ASIC2: variants seen among roughly 807,000 people sequenced by gnomAD.
The protein encoded by ASIC2 is acid sensing ion channel subunit 2.
A neutral mutation model predicts 57.3 loss-of-function variants in ASIC2; 25 were observed. That is an observed-to-expected ratio of 0.44 (90% CI 0.32 to 0.61). The LOEUF (loss-of-function observed/expected upper bound fraction) is 0.61. Ranked by LOEUF, ASIC2 falls within the 20% of genes least tolerant of loss-of-function variation. The pLI is 0.06. For missense variants in ASIC2, 641 were observed against 738.1 expected, an observed-to-expected ratio of 0.87 and a Z score of 1.52; for synonymous variants, 319 against 307.5, an observed-to-expected ratio of 1.04 and a Z score of -0.39.
intron 1 of ASIC2, among the ~76,000 whole-genome samples, chr17:33,187,997 T>C (rs1906270361): frequency 6.9e-6 from 1 of 145,046 alleles, no homozygotes; most frequent in Non-Finnish European, 1.5e-5. Context: ...TCCACAGAAA[T>C]AGACATCGAA....
At chr17:34,039,261 C>T in intron 1 of ASIC2, 1 of 1,613,922 alleles carries the variant, frequency 6.2e-7, no homozygotes, top group Non-Finnish European at 8.5e-7. Flanking sequence ...TCTGTCTGTG[C>T]TGGATGGAGA....
At chr17:34,131,996 T>C (rs1911986282) in intron 1 of ASIC2, among the ~76,000 whole-genome samples, 1 of 152,216 alleles carries the variant, frequency 6.6e-6, no homozygotes, top group Non-Finnish European at 1.5e-5. Context: ...TTGTAGGTGC[T>C]GTCCTGGAAT....
At chr17:33,307,072 A>G (rs775437799) in intron 1 of ASIC2, among the ~76,000 whole-genome samples, 16 of 152,122 alleles carry the variant, frequency 1.1e-4, no homozygotes, top group Admixed American at 2.0e-4. Flanking sequence ...CCATCCACCT[A>G]CAAGACTCTC....
At chr17:33,405,423 C>T (rs8073613) in intron 1 of ASIC2, among the ~76,000 whole-genome samples, 72,532 of 151,526 alleles carry the variant, frequency 0.48, 17,668 homozygotes, top group South Asian at 0.54. Context: ...GAGATCACCC[C>T]TCCCAGGACT....
At chr17:33,178,255 T>C (rs975199267) in intron 1 of ASIC2, among the ~76,000 whole-genome samples, 8 of 152,186 alleles carry the variant, frequency 5.3e-5, no homozygotes, top group South Asian at 4.1e-4. Context: ...TTGTACATAA[T>C]AAATATATAT....
At chr17:33,014,163 C>T (rs1226982685) in intron 9 of ASIC2, 97 bp from the exon 10 acceptor site, 6 of 942,764 alleles carry the variant, frequency 6.4e-6, no homozygotes, top group Non-Finnish European at 8.4e-6. Flanking sequence ...GAAGGTGCTC[C>T]CCACTTGTGG....
chr17:33,690,756 T>TG (rs1489764944), intron 1 of ASIC2, among the ~76,000 whole-genome samples: 2 of 142,404 alleles, frequency 1.4e-5, no homozygotes, highest in Non-Finnish European at 3.1e-5. Context: ...TTTTTTTTTT[T>TG]TTTTTTTTTT....
At chr17:33,116,231 T>C (rs923113362) in intron 1 of ASIC2, among the ~76,000 whole-genome samples, 11 of 152,204 alleles carry the variant, frequency 7.2e-5, no homozygotes, top group East Asian at 1.9e-4. Context: ...GCCTGGCTTT[T>C]TTCAGAGGAT....
At chr17:33,730,941 C>T (rs531319336) in intron 1 of ASIC2, among the ~76,000 whole-genome samples, 24 of 152,256 alleles carry the variant, frequency 1.6e-4, no homozygotes, top group African/African-American at 5.1e-4. Context: ...ACAGTGGTGG[C>T]AATGAGGGCA....
chr17:33,159,848 C>T (rs1253931851), intron 1 of ASIC2, among the ~76,000 whole-genome samples: 2 of 152,190 alleles, frequency 1.3e-5, no homozygotes, highest in Non-Finnish European at 2.9e-5. Context: ...TAGCACCGAC[C>T]TCCTATATCT....
chr17:33,956,428 G>A (rs1217115371), intron 1 of ASIC2, among the ~76,000 whole-genome samples: 1 of 152,140 alleles, frequency 6.6e-6, no homozygotes, highest in African/African-American at 2.4e-5. Context: ...CTTCAGTCAG[G>A]AAGGTGTCAC....
chr17:33,102,695 C>A lies in ASIC2; in HGVS notation c.859+9222G>T, dbSNP rs141039179. 4.6e-4 allele frequency among the ~76,000 whole-genome samples: 70 copies of A among 152,110 alleles called. 1 individual carries two copies. In the Middle Eastern group the frequency reaches 0.01, roughly 22 times the overall value. Reference sequence around the variant, plus strand: ...CTACCTGTTTGTCTTTTTGTTTAACCTTTTCGGGAGATGTTCTCAGTTCCA... The same window carrying A: ...CTACCTGTTTGTCTTTTTGTTTAACATTTTCGGGAGATGTTCTCAGTTCCA... On this transcript the variant is annotated intron_variant, in intron 2 of 9. Transcript: ENST00000225823.
intron 1 of ASIC2, among the ~76,000 whole-genome samples, chr17:33,762,768 G>C (rs1910824177): frequency 6.6e-6 from 1 of 152,206 alleles, no homozygotes; most frequent in Non-Finnish European, 1.5e-5. Context: ...AGGGCACTGG[G>C]TGTCCCATGT....
chr17:33,563,257 C>G (rs1238396374), intron 1 of ASIC2, among the ~76,000 whole-genome samples: 2 of 152,206 alleles, frequency 1.3e-5, no homozygotes, highest in Non-Finnish European at 2.9e-5. Flanking sequence ...AGTATTTGTC[C>G]TGTACCAGAC....
chr17:33,281,320 TA>T (rs1391041077), intron 1 of ASIC2, among the ~76,000 whole-genome samples: 4 of 152,198 alleles, frequency 2.6e-5, no homozygotes, highest in African/African-American at 9.6e-5. Context: ...TGTACGGCCT[TA>T]AAAGTCTTTC....
At chr17:33,738,932 G>A (rs1182561428) in intron 1 of ASIC2, among the ~76,000 whole-genome samples, 2 of 152,162 alleles carry the variant, frequency 1.3e-5, no homozygotes, top group Non-Finnish European at 2.9e-5. Flanking sequence ...GTCTTGGAAT[G>A]TTACTAAAGT....
intron 1 of ASIC2, among the ~76,000 whole-genome samples, chr17:33,862,961 T>A (rs1284121207): frequency 2.0e-5 from 3 of 152,150 alleles, no homozygotes; most frequent in African/African-American, 4.8e-5. Flanking sequence ...CTCAGATGAC[T>A]CACATGACAT....
At chr17:34,044,501 G>A (rs550883015) in intron 1 of ASIC2, among the ~76,000 whole-genome samples, 1 of 152,274 alleles carries the variant, frequency 6.6e-6, no homozygotes, top group South Asian at 2.1e-4. Flanking sequence ...AAAGCGGCCA[G>A]GCGTTCCTAA....
intron 1 of ASIC2, among the ~76,000 whole-genome samples, chr17:33,486,429 G>GT (rs971866074): frequency 6.6e-6 from 1 of 152,290 alleles, no homozygotes; most frequent in African/African-American, 2.4e-5. Context: ...CTCTACTCAC[G>GT]TTTTTTCCTG....
Sources: allele counts gnomAD v4.1 joint callset (sites outside exome capture counted in the v4.1 genomes callset), GRCh38; gene constraint gnomAD v4.1.1; transcripts MANE v1.5; gene names NCBI Gene and HGNC (gene_info 2026-07-23, HGNC 2026-07-21).